JAM3: variants seen among roughly 807,000 people sequenced by gnomAD.
JAM3 encodes the protein junctional adhesion molecule C.
Under a neutral mutation model 39.4 loss-of-function variants are expected in JAM3, and 31 were observed. That is an observed-to-expected ratio of 0.79 (90% CI 0.59 to 1.06). JAM3 has a LOEUF of 1.06. Among genes scored for constraint, JAM3 ranks in the 50% least tolerant of loss-of-function variants. The pLI is 0.00. For synonymous variants in JAM3, 182 were observed against 148.7 expected, an observed-to-expected ratio of 1.22 and a Z score of -1.63; for missense variants, 455 against 391.4, an observed-to-expected ratio of 1.16 and a Z score of -1.37.
chr11:134,100,285 G>T (rs925610041), intron 1 of JAM3, among the ~76,000 whole-genome samples: 6 of 152,100 alleles, frequency 3.9e-5, no homozygotes, highest in African/African-American at 1.4e-4. Flanking sequence ...GTCTTCTGAG[G>T]AACGATTGCT....
At chr11:134,069,760 G>T (rs1485139571) in intron 1 of JAM3, among the ~76,000 whole-genome samples, 7 of 152,184 alleles carry the variant, frequency 4.6e-5, no homozygotes, top group Non-Finnish European at 1.0e-4. Flanking sequence ...GCTGAGGACC[G>T]GCGAGGCAGA....
At chr11:134,145,228 A>C (rs531442776) in intron 5 of JAM3, 1 of 580,608 alleles carries the variant, frequency 1.7e-6, no homozygotes, top group Admixed American at 3.0e-5. Flanking sequence ...CCGAAGAGGG[A>C]TATTAAGCAA....
At chr11:134,123,528 AAGAC>A (rs1287964867) in intron 1 of JAM3, among the ~76,000 whole-genome samples, 12 of 152,222 alleles carry the variant, frequency 7.9e-5, no homozygotes, top group Non-Finnish European at 1.2e-4. Context: ...AAAGTTTAAA[AAGAC>A]AGATTTCAAA....
intron 1 of JAM3, among the ~76,000 whole-genome samples, chr11:134,119,107 G>A (rs1341123382): frequency 6.7e-6 from 1 of 149,268 alleles, no homozygotes; most frequent in Admixed American, 6.7e-5. Flanking sequence ...TTTTTTTTTA[G>A]TAGAGACAGA....
chr11:134,125,860 C>T (rs1162370059), intron 1 of JAM3, among the ~76,000 whole-genome samples: 2 of 152,184 alleles, frequency 1.3e-5, no homozygotes, highest in African/African-American at 2.4e-5. Context: ...GTCCTACAAG[C>T]TGGTTGACAG....
intron 1 of JAM3, among the ~76,000 whole-genome samples, chr11:134,075,313 T>G (rs1329928189): frequency 6.6e-6 from 1 of 152,154 alleles, no homozygotes; most frequent in South Asian, 2.1e-4. Context: ...TTGACTGACT[T>G]AAGTATAGAT....
At chr11:134,135,576 C>A (rs373091403) in intron 1 of JAM3, among the ~76,000 whole-genome samples, 1 of 150,082 alleles carries the variant, frequency 6.7e-6, no homozygotes, top group Non-Finnish European at 1.5e-5. Context: ...CTCACTCTGT[C>A]GCCCAAGCTG....
intron 1 of JAM3, chr11:134,126,559 T>TA (rs1276399600): frequency 5.3e-5 from 8 of 152,230 alleles, no homozygotes; most frequent in African/African-American, 1.9e-4. Context: ...GGTTACTTTT[T>TA]ATACAGAAGT....
chr11:134,126,330 CAT>C (rs1290005643), intron 1 of JAM3: 4 of 152,222 alleles, frequency 2.6e-5, no homozygotes, highest in Admixed American at 6.5e-5. Context: ...GGTGGTGACT[CAT>C]ATGCAGATGG....
chr11:134,111,081 A>G (rs1238772974), intron 1 of JAM3, among the ~76,000 whole-genome samples: 1 of 142,638 alleles, frequency 7.0e-6, no homozygotes, highest in Non-Finnish European at 1.5e-5. Flanking sequence ...TTCTCACTCT[A>G]CCTTTCCTAT....
In JAM3 at chr11:134,140,009, T is replaced by C. The variant is rs187728139; in HGVS notation, c.142+93T>C. 1.5e-3 allele frequency: 1,582 copies of C among 1,022,730 alleles called. 2 individuals are homozygous for C. Among genetic ancestry groups the C allele is most frequent in the Non-Finnish European group, 2.1e-3 (1,385 of 656,018 alleles). The allele number at this position is 1,022,730 out of a possible 1,614,324, so 63.4% of individuals were successfully genotyped here. On this transcript the variant is annotated intron_variant, in intron 2 of 8. Coordinates refer to ENST00000299106, the MANE Select transcript of JAM3 (RefSeq NM_032801.5). ...CTCAGGACACATCTGTCTCTGTAAG[T>C]GTGCCAGGGAGATGTTCCGGGTGGA...
intron 1 of JAM3, among the ~76,000 whole-genome samples, chr11:134,114,171 T>A (rs893465155): frequency 6.6e-6 from 1 of 152,238 alleles, no homozygotes; most frequent in Non-Finnish European, 1.5e-5. Flanking sequence ...GTAGTTTCTT[T>A]TGCTGTGCAG....
At chr11:134,143,431 A>G (rs1167859999) in intron 3 of JAM3, among the ~76,000 whole-genome samples, 2 of 152,158 alleles carry the variant, frequency 1.3e-5, no homozygotes, top group Admixed American at 1.3e-4. Flanking sequence ...ACAGGATCTC[A>G]CTGTGTTGCA....
Position 134,113,561 on chromosome 11 carries a change from A to G in JAM3, c.77-26290A>G, listed in dbSNP as rs573537931. On this transcript the variant is annotated intron_variant, in intron 1 of 8. Coordinates refer to ENST00000299106, the MANE Select transcript of JAM3 (RefSeq NM_032801.5). ...GGCTGCATAGTATTCCATGGTGTAT[A>G]TGTGCCACATTTTCTTAATCCAGTC... Among the ~76,000 whole-genome samples the G allele has an allele frequency of 4.2e-3, 645 of 152,302 alleles. 7 individuals are homozygous for G. Among genetic ancestry groups the G allele is most frequent in the African/African-American group, 0.015 (616 of 41,564 alleles).
intron 1 of JAM3, chr11:134,070,030 A>C (rs1941462934): frequency 5.5e-6 from 2 of 361,866 alleles, no homozygotes; most frequent in South Asian, 4.2e-5. Context: ...CATTAGATCC[A>C]CATTTTCCTG....
At chr11:134,071,159 A>T (rs1009231888) in intron 1 of JAM3, among the ~76,000 whole-genome samples, 5 of 152,120 alleles carry the variant, frequency 3.3e-5, no homozygotes, top group African/African-American at 1.2e-4. Flanking sequence ...AACAGCAAAC[A>T]TTTCTTTTGT....
At chr11:134,123,781 C>T (rs1942584314) in intron 1 of JAM3, 1 of 707,902 alleles carries the variant, frequency 1.4e-6, no homozygotes, top group African/African-American at 1.7e-5. Context: ...CAAGGGTTCC[C>T]TCTAAATGCC....
intron 1 of JAM3, among the ~76,000 whole-genome samples, chr11:134,102,985 A>T (rs532322247): frequency 6.6e-6 from 1 of 152,340 alleles, no homozygotes; most frequent in East Asian, 1.9e-4. Context: ...AGGCAGGCCA[A>T]CATTCAAATT....
chr11:134,151,754 A>G lies in JAM3; in HGVS notation c.*2573A>G, dbSNP rs1256768803. On this transcript the variant is annotated 3_prime_UTR_variant, in exon 9 of 9. Coordinates refer to ENST00000299106, the MANE Select transcript of JAM3 (RefSeq NM_032801.5). The stretch of plus-strand genomic sequence containing the variant: ...TTATAAAAGCTTCAAAAAAACCCAA[A>G]CATTGCTTCATTCTTTGTTATTTGC... The G allele has an allele frequency of 2.0e-5, 3 of 152,136 alleles. No homozygotes were observed. Among genetic ancestry groups the G allele is most frequent in the African/African-American group, 7.2e-5 (3 of 41,418 alleles). The allele number at this position is 152,136 out of a possible 1,614,324, so 9.4% of individuals were successfully genotyped here.
Sources: gnomAD v4.1 joint callset for allele counts (sites outside exome capture counted in the v4.1 genomes callset) on GRCh38, gnomAD v4.1.1 for gene constraint, MANE v1.5 for transcripts, NCBI Gene and HGNC (gene_info 2026-07-23, HGNC 2026-07-21) for gene names.